Variants in SCN9A observed in about 807,000 individuals in gnomAD.
SCN9A encodes the protein sodium voltage-gated channel alpha subunit 9, also known as sodium channel protein type 9 subunit alpha.
A neutral mutation model predicts 187.0 loss-of-function variants in SCN9A; 131 were observed. The observed-to-expected ratio is 0.70, with a 90% CI of 0.61 to 0.81. The LOEUF (loss-of-function observed/expected upper bound fraction) is 0.81. Among genes scored for constraint, SCN9A ranks in the 30% least tolerant of loss-of-function variants. The probability of loss-of-function intolerance (pLI) is 0.00; values close to 1 mark genes in which losing one functional copy is unlikely to be tolerated. For synonymous variants in SCN9A, 809 were observed against 808.6 expected, an observed-to-expected ratio of 1.00 and a Z score of -0.01; for missense variants, 2,252 against 2,396.6, an observed-to-expected ratio of 0.94 and a Z score of 1.26.
intron 17 of SCN9A, among the ~76,000 whole-genome samples, chr2:166,261,507 A>G (rs546793409): frequency 6.6e-6 from 1 of 152,066 alleles, no homozygotes; most frequent in East Asian, 1.9e-4. Flanking sequence ...AGGCATTAAT[A>G]TAGAAGAAAA....
At chr2:166,279,423 C>T (rs1021849088) in intron 14 of SCN9A, among the ~76,000 whole-genome samples, 1 of 152,076 alleles carries the variant, frequency 6.6e-6, no homozygotes, top group African/African-American at 2.4e-5. Flanking sequence ...GATTCTCTGG[C>T]CCTAAAAATG....
At chr2:166,286,852 T>G (rs1336475828) in intron 10 of SCN9A, among the ~76,000 whole-genome samples, 1 of 152,200 alleles carries the variant, frequency 6.6e-6, no homozygotes, top group Non-Finnish European at 1.5e-5. Context: ...AATTAAACTA[T>G]TACATGTTAT....
chr2:166,270,581 ATT>A lies in SCN9A; in HGVS notation c.3351+1816_3351+1817del, dbSNP rs1248542388. Among the ~76,000 whole-genome samples, 3 of 151,708 alleles carry A rather than the reference ATT, an allele frequency of 2.0e-5. No individual in the cohort carries two copies. The East Asian group carries it at 5.8e-4, about 29-fold the overall frequency. ...AATTAAATATAGAGCATTTTATTTT[ATT>A]TTGTTTTAATTTAATTTAATCTTAT... is the stretch of plus-strand genomic sequence containing the variant. On this transcript the variant is annotated intron_variant, in intron 17 of 26. Coordinates refer to ENST00000642356, the MANE Select transcript of SCN9A (RefSeq NM_001365536.1).
intron 24 of SCN9A, among the ~76,000 whole-genome samples, chr2:166,212,868 A>G (rs879515896): frequency 3.9e-5 from 6 of 152,180 alleles, no homozygotes; most frequent in Non-Finnish European, 5.9e-5. Flanking sequence ...AAATTAAACA[A>G]CACTCTCTTG....
rs546307681 is a variant in SCN9A at position 166,304,403 on chromosome 2, A to T, written c.597-74T>A. 130 of 1,306,146 alleles carry T rather than the reference A, an allele frequency of 1.0e-4. No individual in the cohort carries two copies. The South Asian group carries it at 1.6e-3, about 16-fold the overall frequency. The allele number at this position is 1,306,146 out of a possible 1,614,324, so 80.9% of individuals were successfully genotyped here. A position where few individuals can be genotyped will look rare whatever the true frequency, so the allele number is the denominator to read the frequency against. On this transcript the variant is annotated intron_variant, in intron 5 of 26. Coordinates refer to ENST00000642356, the MANE Select transcript of SCN9A (RefSeq NM_001365536.1). The stretch of plus-strand genomic sequence containing the variant: ...ACTTACCTGAGCCTTTAGTCAAGGT[A>T]TTTTCTACGTTTGGGGCTTCTATTT...
intron 17 of SCN9A, among the ~76,000 whole-genome samples, chr2:166,264,042 T>C (rs773656581): frequency 5.3e-5 from 8 of 151,990 alleles, no homozygotes; most frequent in Non-Finnish European, 8.8e-5. Context: ...AAGAAACTAA[T>C]ACATCCTTGG....
At chr2:166,350,150 TA>T (rs1700000915) in intron 1 of SCN9A, among the ~76,000 whole-genome samples, 1 of 152,210 alleles carries the variant, frequency 6.6e-6, no homozygotes. Flanking sequence ...TGCTTTCAAC[TA>T]TGATGTCAAT....
chr2:166,309,060 A>C (rs1698855794), intron 2 of SCN9A, among the ~76,000 whole-genome samples: 1 of 152,064 alleles, frequency 6.6e-6, no homozygotes, highest in Non-Finnish European at 1.5e-5. Context: ...TGAAAAGAAG[A>C]AAGTAACTAA....
chr2:166,267,465 G>T (rs777689441), intron 17 of SCN9A, among the ~76,000 whole-genome samples: 5 of 151,812 alleles, frequency 3.3e-5, no homozygotes, highest in African/African-American at 4.8e-5. Flanking sequence ...CTAGTATTTT[G>T]TTGGGGCATT....
At chr2:166,299,116 AG>A (rs1698444370) in intron 7 of SCN9A, among the ~76,000 whole-genome samples, 1 of 152,114 alleles carries the variant, frequency 6.6e-6, no homozygotes, top group African/African-American at 2.4e-5. Flanking sequence ...CACTTTCACG[AG>A]GACTTGACTT....
At chr2:166,317,169 C>T (rs1699129729) in intron 1 of SCN9A, among the ~76,000 whole-genome samples, 1 of 151,396 alleles carries the variant, frequency 6.6e-6, no homozygotes. Flanking sequence ...TTATACTTTA[C>T]TTTTCAAATT....
chr2:166,362,820 C>G (rs1287986891), intron 1 of SCN9A, among the ~76,000 whole-genome samples: 1 of 151,984 alleles, frequency 6.6e-6, no homozygotes, highest in Non-Finnish European at 1.5e-5. Context: ...CGGTTCACAA[C>G]AATTCAATGA....
chr2:166,367,693 T>C (rs1700452491), intron 1 of SCN9A, among the ~76,000 whole-genome samples: 1 of 152,238 alleles, frequency 6.6e-6, no homozygotes, highest in African/African-American at 2.4e-5. Flanking sequence ...ATGCGAATCA[T>C]AGCAAAGTCA....
chr2:166,316,562 G>T (rs1699114010), intron 1 of SCN9A, among the ~76,000 whole-genome samples: 1 of 152,184 alleles, frequency 6.6e-6, no homozygotes, highest in Admixed American at 6.5e-5. Flanking sequence ...AGGCATGTTG[G>T]CAGGCGCCTA....
chr2:166,262,791 A>G (rs1168937298), intron 17 of SCN9A, among the ~76,000 whole-genome samples: 1 of 152,030 alleles, frequency 6.6e-6, no homozygotes, highest in Non-Finnish European at 1.5e-5. Context: ...CGAAAATTAT[A>G]TAATGTGTGT....
chr2:166,283,350 T>C (rs746066255), intron 12 of SCN9A, among the ~76,000 whole-genome samples: 1 of 152,198 alleles, frequency 6.6e-6, no homozygotes, highest in African/African-American at 2.4e-5. Flanking sequence ...AATTGAAATA[T>C]ATGTGTGGCC....
At chr2:166,200,241 C>T (rs1693441326) in intron 26 of SCN9A, among the ~76,000 whole-genome samples, 1 of 151,322 alleles carries the variant, frequency 6.6e-6, no homozygotes, top group Non-Finnish European at 1.5e-5. Context: ...TCGTGATCCG[C>T]CCGCCTCGGC....
intron 1 of SCN9A, among the ~76,000 whole-genome samples, chr2:166,370,232 A>AAC: frequency 7.3e-6 from 1 of 137,306 alleles, no homozygotes; most frequent in Non-Finnish European, 1.5e-5. Context: ...TAATAATAAT[A>AAC]ATAATCATCA....
chr2:166,206,308 T>C (rs1478399936), intron 24 of SCN9A, among the ~76,000 whole-genome samples: 4 of 152,144 alleles, frequency 2.6e-5, no homozygotes, highest in Admixed American at 1.3e-4. Context: ...ATGTGGCATA[T>C]ATACACCATG....
Sources: allele counts gnomAD v4.1 joint callset (sites outside exome capture counted in the v4.1 genomes callset), GRCh38; gene constraint gnomAD v4.1.1; transcripts MANE v1.5; gene names NCBI Gene and HGNC (gene_info 2026-07-23, HGNC 2026-07-21).